CKMT2: variants seen among roughly 807,000 people sequenced by gnomAD.
CKMT2 encodes creatine kinase, mitochondrial 2, also known as creatine kinase S-type, mitochondrial.
CKMT2 carries 43 observed loss-of-function variants against 48.9 expected under a neutral mutation model. That is an observed-to-expected ratio of 0.88 (90% confidence interval 0.69 to 1.13). CKMT2 has a LOEUF of 1.13. Among genes scored for constraint, CKMT2 ranks in the 50% most tolerant of loss-of-function variants. The pLI, the probability that CKMT2 is intolerant of heterozygous loss-of-function variation, is 0.00. For missense variants in CKMT2, 472 were observed against 555.4 expected (o/e 0.85, Z 1.51); for synonymous variants, 206 against 213.0 (o/e 0.97, Z 0.29).
chr5:81,234,016 TTAA>T (rs1157330647), intron 1 of CKMT2, among the ~76,000 whole-genome samples: 1 of 112,938 alleles, frequency 8.9e-6, no homozygotes, highest in Non-Finnish European at 1.7e-5. Flanking sequence ...CCACCGGAGG[TTAA>T]TTAAAAAAAA....
At chr5:81,263,908 G>C (rs1757312748) in intron 9 of CKMT2, among the ~76,000 whole-genome samples, 1 of 152,218 alleles carries the variant, frequency 6.6e-6, no homozygotes, top group African/African-American at 2.4e-5. Flanking sequence ...GCGAGCAGGA[G>C]CTCTGTTATG....
At chr5:81,244,134 GT>G in intron 1 of CKMT2, 1 of 985,476 alleles carries the variant, frequency 1.0e-6, no homozygotes, top group South Asian at 4.7e-5. Flanking sequence ...TGACTGGGAA[GT>G]TTTCTGCAAG....
At chr5:81,254,804 T>A (rs1267274583) in intron 4 of CKMT2, 189 bp from the exon 5 acceptor site, 2 of 617,820 alleles carry the variant, frequency 3.2e-6, no homozygotes, top group Non-Finnish European at 5.7e-6. Context: ...ATAAAACAGC[T>A]TTCCCCTTTA....
intron 8 of CKMT2, among the ~76,000 whole-genome samples, chr5:81,261,604 A>G (rs1757227136): frequency 1.3e-5 from 2 of 152,220 alleles, no homozygotes; most frequent in Admixed American, 6.5e-5. Flanking sequence ...CAATTGCTTC[A>G]AAGAGAATAC....
At chr5:81,257,143 TG>T (rs1354387125) in intron 6 of CKMT2, 143 bp downstream of exon 6, 1 of 55,174 alleles carries the variant, frequency 1.8e-5, no homozygotes, top group Non-Finnish European at 3.4e-5. Context: ...ACTTGGAAAG[TG>T]TGTGTGTGTG....
At chr5:81,242,243 C>A in intron 1 of CKMT2, 2 of 242,532 alleles carry the variant, frequency 8.2e-6, no homozygotes, top group East Asian at 1.2e-4. Flanking sequence ...TTTCAAAATC[C>A]ATGTCTGAAA....
intron 1 of CKMT2, among the ~76,000 whole-genome samples, chr5:81,243,009 C>T (rs954696505): frequency 2.6e-5 from 4 of 152,174 alleles, no homozygotes; most frequent in South Asian, 2.1e-4. Context: ...GCAGGTTATT[C>T]GTTAACTTCC....
chr5:81,259,349 C>A (rs564349880), intron 8 of CKMT2, 95 bp downstream of exon 8: 55 of 1,113,122 alleles, frequency 4.9e-5, no homozygotes, highest in Admixed American at 4.2e-4. Context: ...ATTCCTTAAC[C>A]CTTACTTTCT....
At position 81,264,417 on chromosome 5, in the gene CKMT2, G is replaced by A. The variant is rs568340991; in HGVS notation, c.1140+801G>A. On this transcript the variant is annotated intron_variant, in intron 9 of 9. Transcript: ENST00000254035. ...GTTATTAAATCTGTGGATTATCAAA[G>A]TTCTCTCTTCTTCCTTACCAGTTTT... is the stretch of plus-strand genomic sequence containing the variant. Among the ~76,000 whole-genome samples, 4 of 152,244 alleles carry A rather than the reference G, an allele frequency of 2.6e-5. No individual in the cohort carries two copies. In the South Asian group the frequency reaches 8.3e-4, roughly 32 times the overall value.
intron 2 of CKMT2, chr5:81,251,767 G>A (rs1756824195): frequency 6.5e-6 from 1 of 154,872 alleles, no homozygotes; most frequent in Non-Finnish European, 1.4e-5. Flanking sequence ...ATACAAAGAA[G>A]TGTAGCATCG....
chr5:81,241,681 C>T (rs1206806756), intron 1 of CKMT2, among the ~76,000 whole-genome samples: 1 of 152,230 alleles, frequency 6.6e-6, no homozygotes, highest in African/African-American at 2.4e-5. Context: ...CTGTCAAGTC[C>T]TCTTACTTTA....
At chr5:81,254,321 G>A in intron 3 of CKMT2, 75 bp from the exon 4 acceptor site, 2 of 1,280,462 alleles carry the variant, frequency 1.6e-6, no homozygotes. Flanking sequence ...AAGATACAAG[G>A]GGCAAGTGAA....
chr5:81,245,977 C>A (rs552898737), intron 1 of CKMT2, among the ~76,000 whole-genome samples: 63 of 152,102 alleles, frequency 4.1e-4, no homozygotes, highest in Non-Finnish European at 7.8e-4. Flanking sequence ...ATTAGCACGA[C>A]CTGTCAGCAC....
At chr5:81,255,578 C>A (rs1205752544) in intron 5 of CKMT2, among the ~76,000 whole-genome samples, 5 of 152,148 alleles carry the variant, frequency 3.3e-5, no homozygotes, top group Admixed American at 2.0e-4. Flanking sequence ...TCCATTATCA[C>A]AGCCAAAGAA....
At chr5:81,249,302 C>T (rs1156380812) in intron 1 of CKMT2, among the ~76,000 whole-genome samples, 2 of 152,160 alleles carry the variant, frequency 1.3e-5, no homozygotes, top group East Asian at 3.8e-4. Context: ...AGGCTGGTCT[C>T]AAACTCCTGG....
intron 1 of CKMT2, among the ~76,000 whole-genome samples, chr5:81,250,259 A>C (rs533747332): frequency 6.6e-6 from 1 of 152,324 alleles, no homozygotes; most frequent in East Asian, 1.9e-4. Flanking sequence ...GTTCTTACAA[A>C]TCAACTTGGT....
At chr5:81,258,236 T>G (rs1018052095) in intron 7 of CKMT2, among the ~76,000 whole-genome samples, 1 of 151,102 alleles carries the variant, frequency 6.6e-6, no homozygotes, top group African/African-American at 2.5e-5. Flanking sequence ...ACGCCCAGCC[T>G]CAAGGCATTT....
At chr5:81,252,033 AAG>A (rs1446622543) in intron 2 of CKMT2, 1 of 153,918 alleles carries the variant, frequency 6.5e-6, no homozygotes, top group Non-Finnish European at 1.4e-5. Flanking sequence ...CTTCTGGAAA[AAG>A]GGATATCATA....
At position 81,262,587 on chromosome 5, in the gene CKMT2, C is replaced by G. The variant is rs138738628; in HGVS notation, c.1015-904C>G. Reference sequence around the variant, plus strand: ...CAAAAAACATGAAATAAAAGCTCATCATCACTGGTCATTAGATAAATGCAA... The same window carrying G: ...CAAAAAACATGAAATAAAAGCTCATGATCACTGGTCATTAGATAAATGCAA... On this transcript the variant is annotated intron_variant, in intron 8 of 9. Transcript: ENST00000254035. 9.7e-3 allele frequency among the ~76,000 whole-genome samples: 1,473 copies of G among 152,248 alleles called. 9 individuals are homozygous for G. The highest frequency in any genetic ancestry group is 0.014 in the Non-Finnish European group (951 of 68,020).
Sources: gnomAD v4.1 joint callset for allele counts (sites outside exome capture counted in the v4.1 genomes callset) on GRCh38, gnomAD v4.1.1 for gene constraint, MANE v1.5 for transcripts, NCBI Gene and HGNC (gene_info 2026-07-23, HGNC 2026-07-21) for gene names.